The following LETM1 variants were observed in gnomAD, a reference collection of about 807,000 sequenced individuals.
LETM1 encodes mitochondrial proton/calcium exchanger protein.
Under a neutral mutation model 74.5 loss-of-function variants are expected in LETM1, and 50 were observed. The ratio of observed to expected loss-of-function variants is 0.67; its 90% CI spans 0.53 to 0.85. The LOEUF (loss-of-function observed/expected upper bound fraction) is 0.85, where lower values mean the gene tolerates loss of function less well. LETM1 is among the 40% of genes least tolerant of loss of function. LETM1 has a pLI of 0.00. For synonymous variants in LETM1, 446 were observed against 407.1 expected, an observed-to-expected ratio of 1.10 and a Z score of -1.15; for missense variants, 824 against 967.8, an observed-to-expected ratio of 0.85 and a Z score of 1.97.
rs962995306 is a variant in LETM1 at position 1,834,021 on chromosome 4, G to A, written c.876+824C>T. The A allele has an allele frequency of 2.0e-5, 3 of 152,304 alleles. No individual in the cohort carries two copies. The highest frequency in any genetic ancestry group is 7.2e-5 in the African/African-American group (3 of 41,462). 9.4% of individuals were successfully genotyped at this position (152,304 alleles called of 1,614,324 possible). On this transcript the variant is annotated intron_variant, in intron 5 of 13. Transcript: ENST00000302787. The surrounding 1 kb of genome is among the most constrained non-coding windows in gnomAD (Gnocchi z 5.0). ...TGCTGGAACCACCACCCACTCCCTG[G>A]GGGGCTCAGCAGCCCCATGGCTGTG...
intron 6 of LETM1, among the ~76,000 whole-genome samples, chr4:1,827,542 C>T (rs1442510033): frequency 1.8e-5 from 2 of 108,886 alleles, no homozygotes; most frequent in African/African-American, 7.5e-5. Context: ...CATCTTGCAC[C>T]GCCCTTAATC....
intron 4 of LETM1, 62 bp from the exon 5 acceptor site, chr4:1,835,044 C>A (rs1250899600): frequency 1.3e-6 from 2 of 1,550,844 alleles, no homozygotes; most frequent in African/African-American, 1.4e-5. Flanking sequence ...GCAAGGAAAA[C>A]ATCTCACGCC....
intron 2 of LETM1, among the ~76,000 whole-genome samples, chr4:1,845,014 AC>A (rs1712830537): frequency 6.6e-6 from 1 of 151,606 alleles, no homozygotes; most frequent in Admixed American, 6.6e-5. Context: ...ATATGGTGAA[AC>A]CCCGTCTTTA....
intron 4 of LETM1, among the ~76,000 whole-genome samples, chr4:1,835,365 G>A (rs954327824): frequency 6.6e-6 from 1 of 152,112 alleles, no homozygotes. Flanking sequence ...CTTGAACCCA[G>A]GAGGTGGAGG....
Position 1,856,010 on chromosome 4 carries a change from C to T in LETM1, c.-60G>A. The stretch of plus-strand genomic sequence containing the variant: ...GCTGCCTCCTTCTCCGCGGCGGCCG[C>T]GGCTCTTCGCCGTCCCGGCGGCGCT... On this transcript the variant is annotated 5_prime_UTR_variant, in exon 1 of 14. Transcript: ENST00000302787. 9.2e-7 allele frequency: 1 copy of T among 1,088,728 alleles called. No homozygotes were observed. The highest frequency in any genetic ancestry group is 3.5e-4 in the Middle Eastern group (1 of 2,850). The allele number at this position is 1,088,728 out of a possible 1,614,324, so 67.4% of individuals were successfully genotyped here.
intron 7 of LETM1, among the ~76,000 whole-genome samples, 198 bp from the exon 8 acceptor site, chr4:1,823,973 A>G (rs1472128610): frequency 6.6e-6 from 1 of 152,020 alleles, no homozygotes; most frequent in Non-Finnish European, 1.5e-5. Flanking sequence ...GGGGTCAGCA[A>G]CCCCCACAGC....
chr4:1,842,037 G>C (rs1712721378), intron 2 of LETM1, among the ~76,000 whole-genome samples: 2 of 152,178 alleles, frequency 1.3e-5, no homozygotes, highest in Non-Finnish European at 2.9e-5. Context: ...GCATGGGCGG[G>C]CGATCCCCAC....
chr4:1,826,023 AAAG>A (rs1240316846), intron 6 of LETM1, among the ~76,000 whole-genome samples: 1 of 152,150 alleles, frequency 6.6e-6, no homozygotes, highest in African/African-American at 2.4e-5. Flanking sequence ...CCAGGATGGA[AAAG>A]AAGGAGGGAT....
intron 2 of LETM1, among the ~76,000 whole-genome samples, chr4:1,843,439 G>A (rs1712774560): frequency 6.6e-6 from 1 of 152,212 alleles, no homozygotes; most frequent in Non-Finnish European, 1.5e-5. Context: ...GTCAGCCCAG[G>A]GCAGCTTAGA....
intron 10 of LETM1, 27 bp from the exon 11 acceptor site, chr4:1,819,499 A>T (rs1711697518): frequency 6.2e-7 from 1 of 1,601,794 alleles, no homozygotes; most frequent in South Asian, 1.1e-5. Flanking sequence ...CAAACAACAA[A>T]GCCTGAGCCA....
In LETM1 at chr4:1,834,396, A is replaced by C; in HGVS notation, c.876+449T>G. 3 of 992,880 alleles carry C rather than the reference A, an allele frequency of 3.0e-6. No individual in the cohort carries two copies. Among genetic ancestry groups the C allele is most frequent in the Non-Finnish European group, 3.6e-6 (3 of 835,070 alleles). 61.5% of individuals were successfully genotyped at this position (992,880 alleles called of 1,614,324 possible). A position where few individuals can be genotyped will look rare whatever the true frequency, so the allele number is the denominator to read the frequency against. On this transcript the variant is annotated intron_variant, in intron 5 of 13. Transcript: ENST00000302787. The surrounding 1 kb of genome is among the most constrained non-coding windows in gnomAD (Gnocchi z 5.0). ...CACCACATGACCGCAGGAAACCTCA[A>C]GGGCCGCTCCTCCTCTCCAGCCCCC...
intron 1 of LETM1, among the ~76,000 whole-genome samples, chr4:1,850,518 GGACC>G (rs1210338579): frequency 3.3e-5 from 5 of 151,700 alleles, no homozygotes; most frequent in African/African-American, 1.2e-4. Flanking sequence ...TACTACAACC[GGACC>G]GGGCGCAGTG....
chr4:1,837,869 A>AT (rs1292726729), intron 3 of LETM1, among the ~76,000 whole-genome samples: 8 of 150,688 alleles, frequency 5.3e-5, no homozygotes, highest in Non-Finnish European at 1.2e-4. Flanking sequence ...CGCCTAGCTA[A>AT]TTTTTTTTTA....
intron 2 of LETM1, 97 bp downstream of exon 2, chr4:1,849,052 C>T (rs1712980226): frequency 9.9e-6 from 8 of 811,672 alleles, no homozygotes; most frequent in South Asian, 8.3e-5. Context: ...GTAGGATACA[C>T]TGTTTCCCTC....
intron 1 of LETM1, among the ~76,000 whole-genome samples, chr4:1,850,453 T>C (rs1012782583): frequency 6.6e-6 from 1 of 151,992 alleles, no homozygotes; most frequent in Non-Finnish European, 1.5e-5. Flanking sequence ...ATGACCTCTA[T>C]GCAGACAGCC....
chr4:1,833,379 T>A lies in LETM1; in HGVS notation c.877-432A>T, dbSNP rs182186765. Reference sequence around the variant, plus strand: ...TGGGCTAGCCTGGGGAAAGGTGGCGTCTGGCCTGTGGACCTCTCCTGCCTG... The same window carrying A: ...TGGGCTAGCCTGGGGAAAGGTGGCGACTGGCCTGTGGACCTCTCCTGCCTG... On this transcript the variant is annotated intron_variant, in intron 5 of 13. Transcript: ENST00000302787. 1.0e-4 allele frequency: 24 copies of A among 232,778 alleles called. No homozygotes were observed. In the East Asian group the frequency reaches 2.5e-3, roughly 25 times the overall value. 14.4% of individuals were successfully genotyped at this position (232,778 alleles called of 1,614,324 possible).
intron 3 of LETM1, among the ~76,000 whole-genome samples, chr4:1,838,193 G>A (rs1472673391): frequency 2.0e-5 from 3 of 150,946 alleles, no homozygotes; most frequent in Non-Finnish European, 3.0e-5. Flanking sequence ...TCTGCCTCCC[G>A]AGTTCAAGTG....
chr4:1,855,177 A>G (rs1713195999), intron 1 of LETM1, among the ~76,000 whole-genome samples: 1 of 152,222 alleles, frequency 6.6e-6, no homozygotes, highest in Admixed American at 6.5e-5. Context: ...AGTCCCTCTT[A>G]GCAAGTTTTA....
intron 8 of LETM1, 125 bp downstream of exon 8, chr4:1,823,519 G>A: frequency 8.3e-7 from 1 of 1,198,816 alleles, no homozygotes; most frequent in Non-Finnish European, 1.2e-6. Flanking sequence ...CACTCGCGAG[G>A]GGGTGGGAGG....
Sources: allele counts gnomAD v4.1 joint callset (sites outside exome capture counted in the v4.1 genomes callset), GRCh38; gene constraint gnomAD v4.1.1; non-coding constraint Gnocchi (gnomAD v3.1); transcripts MANE v1.5; gene names NCBI Gene and HGNC (gene_info 2026-07-23, HGNC 2026-07-21).